Variants in GLB1 observed in about 807,000 individuals in gnomAD.
GLB1 encodes beta-galactosidase.
In GLB1, 56 loss-of-function variants were observed where a neutral mutation model predicts 74.0. The observed-to-expected ratio is 0.76, with a 90% CI of 0.61 to 0.94. The LOEUF (loss-of-function observed/expected upper bound fraction) is 0.94, where lower values mean the gene tolerates loss of function less well. Ranked by LOEUF, GLB1 falls within the 40% of genes least tolerant of loss-of-function variation. The pLI, the probability that GLB1 is intolerant of heterozygous loss-of-function variation, is 0.00. For synonymous variants in GLB1, 323 were observed against 323.6 expected, an observed-to-expected ratio of 1.00 and a Z score of 0.02; for missense variants, 787 against 845.5, an observed-to-expected ratio of 0.93 and a Z score of 0.86.
chr3:33,052,011 CA>C lies in GLB1; in HGVS notation c.793-8del, dbSNP rs943395100. 1.2e-6 allele frequency: 2 copies of C among 1,613,772 alleles called. No homozygotes were observed. The highest frequency in any genetic ancestry group is 1.7e-6 in the Non-Finnish European group (2 of 1,179,980). ...TATAGAATTCAGAATTGATCTAAAACAAAAAAAGAACGTAGCCCTTAGGATA... is the reference window on the plus strand; with the variant it reads ...TATAGAATTCAGAATTGATCTAAAACAAAAAAGAACGTAGCCCTTAGGATA... On this transcript the variant is annotated splice_polypyrimidine_tract_variant and splice_region_variant and intron_variant, in intron 7 of 15. Transcript: ENST00000307363.
intron 5 of GLB1, among the ~76,000 whole-genome samples, chr3:33,061,128 A>T (rs2125537204): frequency 6.6e-6 from 1 of 152,250 alleles, no homozygotes; most frequent in South Asian, 2.1e-4. Context: ...ATAAAACACC[A>T]GGCTGGGCGT....
At chr3:32,972,733 G>C in the GLB1 span, among the ~76,000 whole-genome samples, 1 of 152,182 alleles carries the variant, frequency 6.6e-6, no homozygotes, top group African/African-American at 2.4e-5. Flanking sequence ...GTTATAAAAA[G>C]CACCAAAGAG....
chr3:33,055,362 T>C (rs1207722291), intron 6 of GLB1, among the ~76,000 whole-genome samples: 1 of 152,160 alleles, frequency 6.6e-6, no homozygotes, highest in African/African-American at 2.4e-5. Context: ...ATGAGAAGCC[T>C]GGCCAAAGCA....
At chr3:32,967,202 A>G in the GLB1 span, among the ~76,000 whole-genome samples, 1 of 152,232 alleles carries the variant, frequency 6.6e-6, no homozygotes, top group African/African-American at 2.4e-5. Context: ...CTTTTTGTAG[A>G]TGATGTGATC....
rs1265908522 is a variant in GLB1 at position 33,092,404 on chromosome 3, T to C, written c.75+4607A>G. ...CCCCAGAAAGGCTCTGGATCAATGA[T>C]TCTGGAAACCACTTAAGTCCTAAAG... On this transcript the variant is annotated intron_variant, in intron 1 of 15. Coordinates refer to ENST00000307363, the MANE Select transcript of GLB1 (RefSeq NM_000404.4). The C allele has an allele frequency of 5.0e-6, 5 of 992,938 alleles. No homozygotes were observed. The African/African-American group carries it at 7.0e-5, about 14-fold the overall frequency. The allele number at this position is 992,938 out of a possible 1,614,324, so 61.5% of individuals were successfully genotyped here.
chr3:33,042,370 C>CTTTTTTTTTTTTT (rs66685286), intron 10 of GLB1, among the ~76,000 whole-genome samples: 1 of 99,234 alleles, frequency 1.0e-5, no homozygotes, highest in Non-Finnish European at 2.0e-5. Flanking sequence ...TCATCTCCTC[C>CTTTTTTTTTTTTT]TTTTTTTTTT....
intron 14 of GLB1, among the ~76,000 whole-genome samples, chr3:33,015,853 T>C (rs552318322): frequency 3.3e-5 from 5 of 152,344 alleles, no homozygotes; most frequent in Admixed American, 6.5e-5. Flanking sequence ...GGTGGTGCCA[T>C]TGTTCCCTTG....
chr3:33,005,179 T>C (rs1696737703), intron 15 of GLB1, among the ~76,000 whole-genome samples: 1 of 152,032 alleles, frequency 6.6e-6, no homozygotes, highest in African/African-American at 2.4e-5. Flanking sequence ...GTCGCCTCAT[T>C]AGCACAAACC....
chr3:33,065,507 T>G lies in GLB1; in HGVS notation c.508A>C (p.Lys170Gln). ...KWLGVLLPKM[K>Q]PLLYQNGGPV... The stretch of plus-strand genomic sequence containing the variant: ...CCTCCATTCTGATAGAGGAGAGGCT[T>G]CATCTTGGGCAGAAGGACTCCCAAC... Residue 170 changes from lysine (K) to glutamine (Q), a missense_variant, in exon 5 of 16, where the codon AAG becomes CAG. Coordinates refer to ENST00000307363, the MANE Select transcript of GLB1 (RefSeq NM_000404.4). 1 of 1,586,930 alleles carries G rather than the reference T, an allele frequency of 6.3e-7. No homozygotes were observed. The highest frequency in any genetic ancestry group is 1.3e-5 in the African/African-American group (1 of 74,762).
chr3:33,089,393 A>C (rs922398814), intron 1 of GLB1, among the ~76,000 whole-genome samples: 30 of 152,336 alleles, frequency 2.0e-4, no homozygotes, highest in African/African-American at 7.0e-4. Flanking sequence ...AATGTCCAGA[A>C]TATATAAAGA....
rs372511432 is a variant in GLB1 at position 33,094,023 on chromosome 3, A to G, written c.75+2988T>C. 40 of 1,614,246 alleles carry G rather than the reference A, an allele frequency of 2.5e-5. No individual in the cohort carries two copies. The East Asian group carries it at 3.8e-4, about 15-fold the overall frequency. ...GCTGCGCCAAATGTAGAGGGAGCCA[A>G]TGAGCAAGAGCGAGTTGACAAACAG... On this transcript the variant is annotated intron_variant, in intron 1 of 15. Coordinates refer to ENST00000307363, the MANE Select transcript of GLB1 (RefSeq NM_000404.4).
intron 15 of GLB1, among the ~76,000 whole-genome samples, chr3:33,006,217 G>A (rs563413698): frequency 1.1e-4 from 16 of 152,304 alleles, no homozygotes; most frequent in South Asian, 8.3e-4. Flanking sequence ...GTTAGGAACC[G>A]GGCCGCACAG....
intron 11 of GLB1, 37 bp from the exon 12 acceptor site, chr3:33,021,692 C>G: frequency 6.3e-7 from 1 of 1,599,610 alleles, no homozygotes; most frequent in Non-Finnish European, 8.5e-7. Context: ...CACACTGCAC[C>G]CCTCACTGGT....
chr3:33,036,617 A>G (rs1469815360), intron 10 of GLB1, among the ~76,000 whole-genome samples: 1 of 152,230 alleles, frequency 6.6e-6, no homozygotes, highest in Non-Finnish European at 1.5e-5. Context: ...GATGGAAACA[A>G]CTGAAATGGT....
chr3:32,991,233 C>T, the GLB1 span, among the ~76,000 whole-genome samples: 1 of 152,078 alleles, frequency 6.6e-6, no homozygotes, highest in South Asian at 2.1e-4. Context: ...ACCACCGGGG[C>T]CTGGCAATTT....
chr3:33,074,184 A>T (rs925429253), intron 1 of GLB1, among the ~76,000 whole-genome samples: 232 of 2,378 alleles, frequency 0.098, 3 homozygotes, highest in East Asian at 0.33. Context: ...CCAAAAATTA[A>T]AAAAAAAAAT....
In GLB1 at chr3:32,996,949, C is replaced by T; in HGVS notation, c.*96G>A. The T allele has an allele frequency of 6.2e-7, 1 of 1,607,198 alleles. No homozygotes were observed. The highest frequency in any genetic ancestry group is 1.7e-5 in the Admixed American group (1 of 59,762). ...AAAATGCACATCCTAAATTCCTTTT[C>T]CATTTCCACATTCCAATCAGTGAAA... On this transcript the variant is annotated 3_prime_UTR_variant, in exon 16 of 16. Transcript: ENST00000307363.
At chr3:33,054,654 A>G (rs960777862) in intron 6 of GLB1, among the ~76,000 whole-genome samples, 2 of 152,244 alleles carry the variant, frequency 1.3e-5, no homozygotes, top group African/African-American at 4.8e-5. Context: ...TTTACCCCTG[A>G]ATAATGGAAT....
intron 1 of GLB1, among the ~76,000 whole-genome samples, chr3:33,088,697 G>A (rs1700630559): frequency 6.6e-6 from 1 of 152,116 alleles, no homozygotes. Context: ...ATATTGTTAA[G>A]ATGTTCATAC....
Sources: allele counts gnomAD v4.1 joint callset (sites outside exome capture counted in the v4.1 genomes callset), GRCh38; gene constraint gnomAD v4.1.1; transcripts MANE v1.5; gene names NCBI Gene and HGNC (gene_info 2026-07-23, HGNC 2026-07-21).